Variants in ARAP1 observed in about 807,000 individuals in gnomAD.
ARAP1 encodes arf-GAP with Rho-GAP domain, ANK repeat and PH domain-containing protein 1.
In ARAP1, 76 loss-of-function variants were observed where a neutral mutation model predicts 172.2. That is an observed-to-expected ratio of 0.44 (90% CI 0.37 to 0.53). The LOEUF is 0.53. ARAP1 is among the 20% of genes least tolerant of loss of function. ARAP1 has a pLI of 0.00. For missense variants in ARAP1, 1,686 were observed against 1,977.5 expected (o/e 0.85, Z 2.80); for synonymous variants, 804 against 803.3 (o/e 1.00, Z -0.01).
intron 1 of ARAP1, among the ~76,000 whole-genome samples, chr11:72,744,919 G>GCATGTCC (rs1858307576): frequency 6.6e-6 from 1 of 152,210 alleles, no homozygotes; most frequent in Non-Finnish European, 1.5e-5. Context: ...TCCATCTTTA[G>GCATGTCC]AGCCGAGAAA....
intron 1 of ARAP1, among the ~76,000 whole-genome samples, chr11:72,738,972 G>T (rs1031928225): frequency 4.6e-5 from 7 of 151,982 alleles, no homozygotes; most frequent in Non-Finnish European, 1.0e-4. Flanking sequence ...GGGCCTCTTC[G>T]GTCTGCTGCC....
intron 33 of ARAP1, chr11:72,687,220 G>A: frequency 3.2e-6 from 2 of 616,572 alleles, no homozygotes; most frequent in Non-Finnish European, 5.7e-6. Flanking sequence ...CCAAGGGCAG[G>A]GTCTGTGTCC....
At position 72,693,898 on chromosome 11, in the gene ARAP1, G is replaced by A; in HGVS notation, c.3695-93C>T. ...GGCACATATCACCTACACATCCCCT[G>A]TCCACTCCAACCATATGCAAGTGCC... On this transcript the variant is annotated intron_variant, in intron 27 of 34. Coordinates refer to ENST00000393609, the MANE Select transcript of ARAP1 (RefSeq NM_001040118.3). The surrounding 1 kb of genome is among the most constrained non-coding windows in gnomAD (Gnocchi z 4.6). 1 of 1,022,350 alleles carries A rather than the reference G, an allele frequency of 9.8e-7. No individual in the cohort carries two copies. The highest frequency in any genetic ancestry group is 1.6e-5 in the South Asian group (1 of 63,014). 63.3% of individuals were successfully genotyped at this position (1,022,350 alleles called of 1,614,324 possible).
chr11:72,690,672 A>C (rs1855897643), intron 30 of ARAP1, among the ~76,000 whole-genome samples: 1 of 152,136 alleles, frequency 6.6e-6, no homozygotes, highest in Admixed American at 6.5e-5. Context: ...GAGCCACTGC[A>C]CCTGGCCCAA....
intron 30 of ARAP1, among the ~76,000 whole-genome samples, chr11:72,691,984 G>A (rs1184561622): frequency 6.6e-6 from 1 of 152,126 alleles, no homozygotes; most frequent in Non-Finnish European, 1.5e-5. Context: ...ATCTAACGCC[G>A]CTGCTGACCT....
intron 18 of ARAP1, among the ~76,000 whole-genome samples, chr11:72,698,343 G>A (rs1035150931): frequency 6.6e-6 from 1 of 152,156 alleles, no homozygotes; most frequent in African/African-American, 2.4e-5. Flanking sequence ...GCCCTTCTCT[G>A]GGCCCCCACA....
intron 3 of ARAP1, among the ~76,000 whole-genome samples, chr11:72,718,050 C>T (rs1020424768): frequency 5.9e-5 from 9 of 152,192 alleles, no homozygotes; most frequent in Non-Finnish European, 1.0e-4. Context: ...AGAGCTTCCA[C>T]AGGGAAGGGA....
chr11:72,710,042 G>T lies in ARAP1; in HGVS notation c.1417-66C>A. 1 of 1,418,486 alleles carries T rather than the reference G, an allele frequency of 7.0e-7. No homozygotes were observed. The highest frequency in any genetic ancestry group is 1.0e-6 in the Non-Finnish European group (1 of 1,003,556). 87.9% of individuals were successfully genotyped at this position (1,418,486 alleles called of 1,614,324 possible). A position where few individuals can be genotyped will look rare whatever the true frequency, so the allele number is the denominator to read the frequency against. The stretch of plus-strand genomic sequence containing the variant: ...GGCAGGGCGTGAGGCTTGGGACAGG[G>T]AGAGGAAGGGAAGGTGGTGCAACTC... On this transcript the variant is annotated intron_variant, in intron 10 of 34. Coordinates refer to ENST00000393609, the MANE Select transcript of ARAP1 (RefSeq NM_001040118.3). The surrounding 1 kb of genome is among the most constrained non-coding windows in gnomAD (Gnocchi z 4.3).
intron 3 of ARAP1, among the ~76,000 whole-genome samples, chr11:72,716,046 G>A (rs1248913057): frequency 6.6e-5 from 10 of 151,694 alleles, no homozygotes; most frequent in Non-Finnish European, 1.2e-4. Flanking sequence ...GGTGGCAGGC[G>A]CCTGTAGTCC....
chr11:72,743,455 G>T (rs941442291), intron 1 of ARAP1, among the ~76,000 whole-genome samples: 2 of 152,010 alleles, frequency 1.3e-5, no homozygotes, highest in Admixed American at 6.5e-5. Context: ...GGCAAGAAGA[G>T]GGTGGCCAGG....
chr11:72,721,115 C>T (rs768091926), intron 3 of ARAP1, among the ~76,000 whole-genome samples: 5 of 152,174 alleles, frequency 3.3e-5, no homozygotes, highest in African/African-American at 9.7e-5. Context: ...TGCAGTTATC[C>T]GCTGGGCCCT....
At position 72,709,910 on chromosome 11, in the gene ARAP1, G is replaced by A. The variant is rs764621177; in HGVS notation, c.1483C>T (p.Arg495Trp). 1.5e-5 allele frequency: 25 copies of A among 1,614,030 alleles called. No homozygotes were observed. The highest frequency in any genetic ancestry group is 2.7e-5 in the African/African-American group (2 of 74,890). ...GGCGTGGTGAGGTCGAAGCTGCGCC[G>A]GTCCACTTCCTTCACGTTGCCCACG... is the stretch of plus-strand genomic sequence containing the variant. Reference protein sequence around the residue: ...MSVGNVKEVDRRSFDLTTPYR... With the variant: ...MSVGNVKEVDWRSFDLTTPYR... The change falls in exon 11 of 35, where the codon CGG (arginine) becomes TGG (tryptophan). Residue 495 changes from arginine (R) to tryptophan (W), a missense_variant. Arg to Trp is a moderately radical substitution (Grantham distance 101). Around this residue, in one of 5 missense-constraint regions of ARAP1, gnomAD observed 688 missense variants for 856.9 expected, o/e 0.80. Transcript: ENST00000393609.
intron 27 of ARAP1, among the ~76,000 whole-genome samples, chr11:72,694,624 G>A (rs1166439750): frequency 6.6e-6 from 1 of 152,032 alleles, no homozygotes; most frequent in East Asian, 1.9e-4. Context: ...CGAGGATAGG[G>A]ACTGTGTGTG....
chr11:72,708,335 C>T (rs1856856674), intron 11 of ARAP1: 1 of 152,202 alleles, frequency 6.6e-6, no homozygotes, highest in Non-Finnish European at 1.5e-5. Context: ...GTGCTTGCAC[C>T]CAAATGCAAC....
rs773239368 is a variant in ARAP1 at position 72,704,255 on chromosome 11, C to G, written c.1889G>C (p.Ser630Thr). The G allele has an allele frequency of 2.4e-5, 38 of 1,613,306 alleles. No individual in the cohort carries two copies. The highest frequency in any genetic ancestry group is 3.1e-5 in the Non-Finnish European group (37 of 1,179,760). ...GCACCGCCGGGTGCTGGGGCTGCTGCTGGGCTGCAGGGCCTCACTGGGGGG... is the reference window on the plus strand; with the variant it reads ...GCACCGCCGGGTGCTGGGGCTGCTGGTGGGCTGCAGGGCCTCACTGGGGGG... ...NVPPSEALQP[S>T]SSPSTRRCHL... Residue 630 changes from serine to threonine, a missense_variant, in exon 14 of 35, where the codon AGC becomes ACC. Physicochemically the swap from Ser to Thr is moderately conservative, Grantham distance 58. Transcript: ENST00000393609.
intron 11 of ARAP1, 50 bp from the exon 12 acceptor site, chr11:72,707,424 TG>T: frequency 6.5e-7 from 1 of 1,538,480 alleles, no homozygotes; most frequent in Non-Finnish European, 8.9e-7. Flanking sequence ...CAGAGGGATT[TG>T]GGGGCAGCAT....
At position 72,695,313 on chromosome 11, in the gene ARAP1, C is replaced by A; in HGVS notation, c.3576+74G>T. 6.3e-7 allele frequency: 1 copy of A among 1,591,646 alleles called. No homozygotes were observed. Among genetic ancestry groups the A allele is most frequent in the Non-Finnish European group, 8.6e-7 (1 of 1,161,454 alleles). On this transcript the variant is annotated intron_variant, in intron 26 of 34. Coordinates refer to ENST00000393609, the MANE Select transcript of ARAP1 (RefSeq NM_001040118.3). The surrounding 1 kb of genome is among the most constrained non-coding windows in gnomAD (Gnocchi z 4.4). ...CTCTCCTCGGGGTAGAAGCACTGCT[C>A]CCCTGGCCATCTGAGCCTGTACCTG...
Position 72,695,513 on chromosome 11 carries a change from A to G in ARAP1, c.3507+29T>C. 1 of 1,614,122 alleles carries G rather than the reference A, an allele frequency of 6.2e-7. No individual in the cohort carries two copies. The highest frequency in any genetic ancestry group is 8.5e-7 in the Non-Finnish European group (1 of 1,180,020). ...GGAAATGGGTGCAGGTGGCAGGTCC[A>G]AGCCCCCCACCCAGGCTCCAGCCTT... On this transcript the variant is annotated intron_variant, in intron 25 of 34. Transcript: ENST00000393609. The surrounding 1 kb of genome is among the most constrained non-coding windows in gnomAD (Gnocchi z 4.4).
Position 72,725,806 on chromosome 11 carries a change from G to A in ARAP1, c.509+814C>T, listed in dbSNP as rs1857669672. Among the ~76,000 whole-genome samples the A allele has an allele frequency of 6.6e-6, 1 of 152,112 alleles. No homozygotes were observed. Among genetic ancestry groups the A allele is most frequent in the Non-Finnish European group, 1.5e-5 (1 of 68,020 alleles). On this transcript the variant is annotated intron_variant, in intron 3 of 34. Coordinates refer to ENST00000393609, the MANE Select transcript of ARAP1 (RefSeq NM_001040118.3). The surrounding 1 kb of genome is among the most constrained non-coding windows in gnomAD (Gnocchi z 4.3). ...CCCAGCAATAAACAAACAGGGACCA[G>A]GAGACCTCTCTCCGCACACCCCTTC...
Sources: gnomAD v4.1 joint callset for allele counts (sites outside exome capture counted in the v4.1 genomes callset) on GRCh38, gnomAD v4.1.1 for gene constraint, gnomAD v4.1.1 regional missense constraint, Gnocchi (gnomAD v3.1) non-coding constraint, MANE v1.5 for transcripts, NCBI Gene and HGNC (gene_info 2026-07-23, HGNC 2026-07-21) for gene names.